The following SLC39A11 variants were observed in gnomAD, a reference collection of about 807,000 sequenced individuals.
The protein encoded by SLC39A11 is zinc transporter ZIP11.
In SLC39A11, 33 loss-of-function variants were observed where a neutral mutation model predicts 36.1. That is an observed-to-expected ratio of 0.91 (90% CI 0.69 to 1.22). SLC39A11 has a LOEUF of 1.22. Among genes scored for constraint, SLC39A11 ranks in the 50% most tolerant of loss-of-function variants. The pLI is 0.00. For synonymous variants in SLC39A11, 166 were observed against 170.3 expected (o/e 0.97, Z 0.20); for missense variants, 432 against 430.3 (o/e 1.00, Z -0.03).
chr17:72,807,478 A>G (rs1014208493), intron 6 of SLC39A11, among the ~76,000 whole-genome samples: 3 of 152,178 alleles, frequency 2.0e-5, no homozygotes, highest in Non-Finnish European at 4.4e-5. Flanking sequence ...AGGCCCCTAG[A>G]TAGTCTCAGG....
intron 6 of SLC39A11, among the ~76,000 whole-genome samples, chr17:72,829,887 G>A (rs912479027): frequency 6.6e-6 from 1 of 152,004 alleles, no homozygotes. Flanking sequence ...AAATGCCCCC[G>A]GACTCAGTAA....
chr17:72,687,661 A>T (rs2144382115), intron 7 of SLC39A11, among the ~76,000 whole-genome samples: 1 of 152,312 alleles, frequency 6.6e-6, no homozygotes, highest in South Asian at 2.1e-4. Context: ...AGATCCTAAG[A>T]TGTGGGGCAA....
intron 3 of SLC39A11, among the ~76,000 whole-genome samples, chr17:73,035,360 C>G (rs922911533): frequency 5.3e-5 from 8 of 152,070 alleles, no homozygotes; most frequent in African/African-American, 1.7e-4. Flanking sequence ...AGGCTGGCCT[C>G]GAACTCCTGG....
intron 3 of SLC39A11, among the ~76,000 whole-genome samples, chr17:73,056,705 G>A (rs1016699918): frequency 6.6e-6 from 1 of 152,088 alleles, no homozygotes; most frequent in Non-Finnish European, 1.5e-5. Flanking sequence ...CGAGAAGACA[G>A]GGAGTCATGG....
intron 7 of SLC39A11, among the ~76,000 whole-genome samples, chr17:72,690,869 A>G (rs1471330866): frequency 1.3e-5 from 2 of 152,194 alleles, no homozygotes; most frequent in Non-Finnish European, 2.9e-5. Context: ...GACCAGGTCC[A>G]GTGCAGGGCT....
chr17:72,711,327 G>T (rs558477112), intron 7 of SLC39A11, among the ~76,000 whole-genome samples: 3 of 152,170 alleles, frequency 2.0e-5, no homozygotes, highest in Non-Finnish European at 4.4e-5. Flanking sequence ...AAAGACGGGT[G>T]CAACTTCCGG....
At chr17:72,844,791 T>C (rs1284063090) in intron 6 of SLC39A11, among the ~76,000 whole-genome samples, 1 of 152,212 alleles carries the variant, frequency 6.6e-6, no homozygotes, top group African/African-American at 2.4e-5. Flanking sequence ...AGTATCTCCA[T>C]TTGAATGTCT....
chr17:73,034,293 G>A (rs966708901), intron 3 of SLC39A11, among the ~76,000 whole-genome samples: 4 of 152,180 alleles, frequency 2.6e-5, no homozygotes, highest in Admixed American at 1.3e-4. Context: ...TGCAATCTCC[G>A]TTCACTGCAA....
rs373333447 is a variant in SLC39A11 at position 72,909,694 on chromosome 17, CAG to C, written c.430+38056_430+38057del. On this transcript the variant is annotated intron_variant, in intron 5 of 9. Transcript: ENST00000255559. The stretch of plus-strand genomic sequence containing the variant: ...AAGTCCTCACTCACCAATCAGGAAA[CAG>C]AGGCTTGCAGAGCCAGTTTGCTCAA... Among the ~76,000 whole-genome samples the C allele has an allele frequency of 9.2e-5, 14 of 151,914 alleles. No homozygotes were observed. In the East Asian group the frequency reaches 2.3e-3, roughly 25 times the overall value.
At chr17:72,736,891 G>T (rs991544852) in intron 6 of SLC39A11, among the ~76,000 whole-genome samples, 172 bp from the exon 7 acceptor site, 2 of 152,176 alleles carry the variant, frequency 1.3e-5, no homozygotes, top group African/African-American at 4.8e-5. Flanking sequence ...AATGGCTGCT[G>T]CCTTCTTCTC....
chr17:72,750,155 C>T (rs2144301073), intron 6 of SLC39A11, among the ~76,000 whole-genome samples: 1 of 152,262 alleles, frequency 6.6e-6, no homozygotes, highest in Admixed American at 6.5e-5. Flanking sequence ...AGAGAGTCAC[C>T]CTGGGAATTA....
rs146791066 is a variant in SLC39A11 at position 72,702,752 on chromosome 17, C to G, written c.671+33898G>C. Among the ~76,000 whole-genome samples the G allele has an allele frequency of 9.1e-3, 1,389 of 151,832 alleles. 8 individuals are homozygous for G. Among genetic ancestry groups the G allele is most frequent in the Middle Eastern group, 0.017 (5 of 294 alleles). On this transcript the variant is annotated intron_variant, in intron 7 of 9. Transcript: ENST00000255559. ...AGGAGTTCCAGACCAGCTTGGCCAA[C>G]ACGGTGAAACTCCGTCTCTACTAAA...
chr17:72,836,666 G>C (rs1598929532), intron 6 of SLC39A11, among the ~76,000 whole-genome samples: 2 of 152,130 alleles, frequency 1.3e-5, no homozygotes, highest in African/African-American at 4.8e-5. Flanking sequence ...AAACTTTCTA[G>C]GTCTCAGTTT....
At position 73,001,044 on chromosome 17, in the gene SLC39A11, C is replaced by T. The variant is rs536558890; in HGVS notation, c.306+30512G>A. Among the ~76,000 whole-genome samples, 98 of 152,210 alleles carry T rather than the reference C, an allele frequency of 6.4e-4. 2 individuals carry two copies. The highest frequency in any genetic ancestry group is 3.9e-4 in the Admixed American group (6 of 15,280). On this transcript the variant is annotated intron_variant, in intron 4 of 9. Transcript: ENST00000255559. ...TATTTGCAGAACTGTCTTCATTGTGCCCTAGCCTAAGACACCATCACCAGC... is the reference window on the plus strand; with the variant it reads ...TATTTGCAGAACTGTCTTCATTGTGTCCTAGCCTAAGACACCATCACCAGC...
chr17:72,877,929 A>T (rs1279849846), intron 5 of SLC39A11, among the ~76,000 whole-genome samples: 5 of 150,696 alleles, frequency 3.3e-5, no homozygotes, highest in Non-Finnish European at 7.4e-5. Flanking sequence ...TTAACTCATC[A>T]TTTAGCGTTA....
intron 1 of SLC39A11, among the ~76,000 whole-genome samples, chr17:73,090,307 C>CT (rs1306242472): frequency 2.0e-5 from 3 of 152,168 alleles, no homozygotes; most frequent in African/African-American, 7.2e-5. Flanking sequence ...GCCAGAAACT[C>CT]TGAGATAAAT....
At chr17:73,032,092 C>T (rs2061649488) in intron 3 of SLC39A11, among the ~76,000 whole-genome samples, 1 of 152,134 alleles carries the variant, frequency 6.6e-6, no homozygotes. Flanking sequence ...CTACTGGCAT[C>T]TAATGAGTGA....
intron 4 of SLC39A11, among the ~76,000 whole-genome samples, chr17:72,961,374 A>C (rs553716032): frequency 1.8e-4 from 26 of 143,820 alleles, no homozygotes; most frequent in African/African-American, 6.1e-4. Context: ...TTGACCCAGC[A>C]ATCCCATTAC....
chr17:72,833,427 A>T (rs1285625945), intron 6 of SLC39A11, among the ~76,000 whole-genome samples: 1 of 152,270 alleles, frequency 6.6e-6, no homozygotes, highest in African/African-American at 2.4e-5. Flanking sequence ...GAATAAAAAA[A>T]GGTCTACACG....
Sources: gnomAD v4.1 joint callset for allele counts (sites outside exome capture counted in the v4.1 genomes callset) on GRCh38, gnomAD v4.1.1 for gene constraint, MANE v1.5 for transcripts, NCBI Gene and HGNC (gene_info 2026-07-23, HGNC 2026-07-21) for gene names.